Variants in MACROD2 observed in about 807,000 individuals in gnomAD.
The protein encoded by MACROD2 is ADP-ribose glycohydrolase MACROD2.
MACROD2 carries 36 observed loss-of-function variants against 70.4 expected under a neutral mutation model. The observed-to-expected ratio is 0.51, with a 90% CI of 0.39 to 0.68. The LOEUF (loss-of-function observed/expected upper bound fraction) is 0.68. Among genes scored for constraint, MACROD2 ranks in the 30% least tolerant of loss-of-function variants. The pLI is 0.00. For synonymous variants in MACROD2, 172 were observed against 178.8 expected, an observed-to-expected ratio of 0.96 and a Z score of 0.30; for missense variants, 496 against 538.4, an observed-to-expected ratio of 0.92 and a Z score of 0.78.
At chr20:14,961,972 A>G (rs2074587236) in intron 5 of MACROD2, among the ~76,000 whole-genome samples, 4 of 152,038 alleles carry the variant, frequency 2.6e-5, no homozygotes, top group Admixed American at 2.0e-4. Context: ...CAGTTTTTCT[A>G]CTAACCTTTT....
intron 5 of MACROD2, among the ~76,000 whole-genome samples, chr20:14,685,909 G>T (rs1372326504): frequency 6.6e-6 from 1 of 152,148 alleles, no homozygotes; most frequent in Non-Finnish European, 1.5e-5. Flanking sequence ...TAGACAGGTT[G>T]TCATAACAGT....
At chr20:15,764,933 C>G (rs1435465424) in intron 8 of MACROD2, among the ~76,000 whole-genome samples, 1 of 152,150 alleles carries the variant, frequency 6.6e-6, no homozygotes, top group Non-Finnish European at 1.5e-5. Context: ...CCCATGCTGG[C>G]CTTCCTGCTA....
intron 3 of MACROD2, among the ~76,000 whole-genome samples, chr20:14,138,933 A>G (rs1469734192): frequency 6.6e-6 from 1 of 152,180 alleles, no homozygotes; most frequent in East Asian, 1.9e-4. Flanking sequence ...ATTATACGTC[A>G]ATAAAGCTAT....
At chr20:15,064,496 G>A (rs2075558397) in intron 5 of MACROD2, among the ~76,000 whole-genome samples, 1 of 152,142 alleles carries the variant, frequency 6.6e-6, no homozygotes, top group African/African-American at 2.4e-5. Context: ...TTCTTATAAT[G>A]CAGAATCTCC....
At chr20:14,656,702 G>A (rs999884377) in intron 4 of MACROD2, among the ~76,000 whole-genome samples, 9 of 152,222 alleles carry the variant, frequency 5.9e-5, no homozygotes, top group Admixed American at 1.3e-4. Context: ...AGTGAATTTC[G>A]CGTCAGACCA....
intron 6 of MACROD2, among the ~76,000 whole-genome samples, chr20:15,377,810 G>T (rs1322962768): frequency 6.6e-6 from 1 of 152,200 alleles, no homozygotes; most frequent in African/African-American, 2.4e-5. Context: ...CACGCATGTG[G>T]TATCATTAGT....
chr20:15,345,168 C>T (rs1012172334), intron 6 of MACROD2, among the ~76,000 whole-genome samples: 5 of 152,172 alleles, frequency 3.3e-5, no homozygotes, highest in Admixed American at 2.6e-4. Flanking sequence ...AAGGGCCCGC[C>T]TTCTAATGCC....
At chr20:14,888,848 A>G (rs1176065166) in intron 5 of MACROD2, among the ~76,000 whole-genome samples, 1 of 152,186 alleles carries the variant, frequency 6.6e-6, no homozygotes, top group Non-Finnish European at 1.5e-5. Flanking sequence ...TGGTAGCATG[A>G]TGAGTAATTC....
intron 3 of MACROD2, among the ~76,000 whole-genome samples, chr20:14,114,097 C>T (rs1193258923): frequency 6.6e-6 from 1 of 152,104 alleles, no homozygotes; most frequent in African/African-American, 2.4e-5. Context: ...TTAAAGCTCA[C>T]AAATCTATGT....
At chr20:15,759,523 G>C (rs1600851705) in intron 8 of MACROD2, among the ~76,000 whole-genome samples, 1 of 152,114 alleles carries the variant, frequency 6.6e-6, no homozygotes. Flanking sequence ...TGTTCACTTA[G>C]GTGCTCAGAT....
At chr20:14,946,985 A>G (rs888591788) in intron 5 of MACROD2, among the ~76,000 whole-genome samples, 2 of 152,160 alleles carry the variant, frequency 1.3e-5, no homozygotes, top group South Asian at 2.1e-4. Context: ...CACAAAGGAC[A>G]TTTATTTGGG....
At chr20:15,703,321 G>T (rs974598327) in intron 8 of MACROD2, among the ~76,000 whole-genome samples, 7 of 152,080 alleles carry the variant, frequency 4.6e-5, no homozygotes, top group African/African-American at 1.7e-4. Flanking sequence ...GCTCTGCATG[G>T]ACCTGCCCAG....
intron 7 of MACROD2, among the ~76,000 whole-genome samples, chr20:15,458,416 T>A (rs1430387270): frequency 6.6e-6 from 1 of 152,100 alleles, no homozygotes; most frequent in Non-Finnish European, 1.5e-5. Flanking sequence ...ATGAAGCTGC[T>A]GAAATATAAT....
At chr20:14,228,539 C>T (rs188587997) in intron 3 of MACROD2, among the ~76,000 whole-genome samples, 437 of 151,718 alleles carry the variant, frequency 2.9e-3, no homozygotes, top group African/African-American at 9.7e-3. Context: ...ACTGTAATAG[C>T]AAAAGGTTAG....
At chr20:15,009,770 C>T (rs956450713) in intron 5 of MACROD2, among the ~76,000 whole-genome samples, 2 of 143,552 alleles carry the variant, frequency 1.4e-5, no homozygotes, top group Non-Finnish European at 3.0e-5. Context: ...CCCCACCTCC[C>T]TATTTTTTTT....
intron 6 of MACROD2, among the ~76,000 whole-genome samples, chr20:15,298,069 A>T (rs1339197730): frequency 6.6e-6 from 1 of 152,210 alleles, no homozygotes; most frequent in Admixed American, 6.5e-5. Context: ...TACCTGGATC[A>T]GGTTACCTGA....
intron 3 of MACROD2, among the ~76,000 whole-genome samples, chr20:14,319,625 T>C (rs956199737): frequency 6.6e-6 from 1 of 152,190 alleles, no homozygotes; most frequent in Non-Finnish European, 1.5e-5. Flanking sequence ...GCTTTCATAA[T>C]CCCCAAGGGT....
At chr20:15,386,483 T>C (rs1429703959) in intron 6 of MACROD2, among the ~76,000 whole-genome samples, 1 of 152,136 alleles carries the variant, frequency 6.6e-6, no homozygotes, top group East Asian at 1.9e-4. Context: ...AAGAGACCAT[T>C]TGGGAAATTT....
At chr20:15,614,196 T>A (rs940886563) in intron 8 of MACROD2, among the ~76,000 whole-genome samples, 12 of 152,200 alleles carry the variant, frequency 7.9e-5, no homozygotes, top group African/African-American at 2.4e-4. Flanking sequence ...GCACCTAACG[T>A]CATGCCAAAC....
Sources: gnomAD v4.1 joint callset for allele counts (sites outside exome capture counted in the v4.1 genomes callset) on GRCh38, gnomAD v4.1.1 for gene constraint, MANE v1.5 for transcripts, NCBI Gene and HGNC (gene_info 2026-07-23, HGNC 2026-07-21) for gene names.